The following FDX1 variants were observed in gnomAD, a reference collection of about 807,000 sequenced individuals.
FDX1 encodes the protein ferredoxin 1, also known as adrenodoxin, mitochondrial.
FDX1 carries 9 observed loss-of-function variants against 14.9 expected under a neutral mutation model. The observed-to-expected ratio is 0.60, with a 90% confidence interval of 0.36 to 1.05. The LOEUF (loss-of-function observed/expected upper bound fraction) is 1.05. FDX1 is among the 50% of genes least tolerant of loss of function. The pLI, the probability that FDX1 is intolerant of heterozygous loss-of-function variation, is 0.01. For missense variants in FDX1, 204 were observed against 237.2 expected (o/e 0.86, Z 0.92); for synonymous variants, 92 against 99.4 (o/e 0.93, Z 0.44).
chr11:110,459,541 C>T (rs897563759), intron 3 of FDX1, among the ~76,000 whole-genome samples: 12 of 152,154 alleles, frequency 7.9e-5, no homozygotes, highest in Admixed American at 7.9e-4. Flanking sequence ...CTGTGTTGGG[C>T]CCCAAAGCCT....
At position 110,464,836 on chromosome 11, in the gene FDX1, T is replaced by G. The variant is rs1245087770; in HGVS notation, c.*2368T>G. 6.6e-6 allele frequency: 1 copy of G among 152,214 alleles called. No homozygotes were observed. Among genetic ancestry groups the G allele is most frequent in the East Asian group, 1.9e-4 (1 of 5,196 alleles). 9.4% of individuals were successfully genotyped at this position (152,214 alleles called of 1,614,324 possible). ...AAGTTCAAATGAAGTTTAATTGTGT[T>G]ATTTTATAAAACCTTCTAAAATTAT... On this transcript the variant is annotated 3_prime_UTR_variant, in exon 4 of 4. Coordinates refer to ENST00000260270, the MANE Select transcript of FDX1 (RefSeq NM_004109.5).
chr11:110,453,351 C>T (rs896297488), intron 2 of FDX1, among the ~76,000 whole-genome samples: 1 of 151,876 alleles, frequency 6.6e-6, no homozygotes. Context: ...AACAAACAAA[C>T]ACAACAAAAC....
At chr11:110,459,476 A>G (rs2358323) in intron 3 of FDX1, among the ~76,000 whole-genome samples, 65,110 of 152,056 alleles carry the variant, frequency 0.43, 14,796 homozygotes, top group East Asian at 0.64. Flanking sequence ...TTTAGTTATC[A>G]CGGATTTGCT....
At chr11:110,438,189 C>A (rs1421717674) in intron 2 of FDX1, among the ~76,000 whole-genome samples, 2 of 152,126 alleles carry the variant, frequency 1.3e-5, no homozygotes, top group Non-Finnish European at 2.9e-5. Flanking sequence ...ATTTTTAGTT[C>A]TTTGAGAAAT....
chr11:110,444,654 A>G (rs1340134271), intron 2 of FDX1, among the ~76,000 whole-genome samples: 1,145 of 83,982 alleles, frequency 0.014, 82 homozygotes, highest in African/African-American at 0.056. Flanking sequence ...GTGTGTGTAT[A>G]TATATATATA....
chr11:110,436,935 C>G (rs61326162), intron 2 of FDX1, among the ~76,000 whole-genome samples: 1 of 152,010 alleles, frequency 6.6e-6, no homozygotes, highest in African/African-American at 2.4e-5. Flanking sequence ...ATGAGGTTAC[C>G]TGAGTCACCT....
intron 2 of FDX1, among the ~76,000 whole-genome samples, chr11:110,454,570 A>G (rs1946509974): frequency 6.6e-6 from 1 of 152,222 alleles, no homozygotes; most frequent in Non-Finnish European, 1.5e-5. Flanking sequence ...CCATTTCTTT[A>G]ACTTCTGGGG....
intron 3 of FDX1, among the ~76,000 whole-genome samples, chr11:110,457,863 A>G (rs933274926): frequency 3.3e-5 from 5 of 152,146 alleles, no homozygotes; most frequent in Admixed American, 3.3e-4. Context: ...ATTTGTATTT[A>G]TTTAGAGAAG....
chr11:110,450,001 AT>A, intron 2 of FDX1, among the ~76,000 whole-genome samples: 1 of 152,156 alleles, frequency 6.6e-6, no homozygotes, highest in South Asian at 2.1e-4. Flanking sequence ...TGCTCATTTC[AT>A]TTCCTTACCC....
intron 1 of FDX1, among the ~76,000 whole-genome samples, chr11:110,432,878 C>T (rs1024593754): frequency 1.3e-5 from 2 of 152,190 alleles, no homozygotes; most frequent in African/African-American, 2.4e-5. Context: ...TGTTAATACT[C>T]TTACTTGGCA....
At chr11:110,454,808 G>A (rs1425107227) in intron 2 of FDX1, among the ~76,000 whole-genome samples, 2 of 152,128 alleles carry the variant, frequency 1.3e-5, no homozygotes, top group Non-Finnish European at 2.9e-5. Flanking sequence ...ACTGAGACAT[G>A]GAAGGTAAAG....
intron 1 of FDX1, among the ~76,000 whole-genome samples, chr11:110,434,337 T>TGC (rs753183729): frequency 5.3e-4 from 43 of 81,070 alleles, no homozygotes; most frequent in East Asian, 8.5e-4. Context: ...CCTATTGATT[T>TGC]TTTTTTTTTT....
At chr11:110,435,636 C>T (rs1178932421) in intron 1 of FDX1, among the ~76,000 whole-genome samples, 198 bp from the exon 2 acceptor site, 1 of 152,058 alleles carries the variant, frequency 6.6e-6, no homozygotes. Context: ...TGGCTTGAGG[C>T]CAGGAATTTG....
intron 1 of FDX1, among the ~76,000 whole-genome samples, chr11:110,431,973 G>A (rs1382634132): frequency 6.6e-6 from 1 of 152,086 alleles, no homozygotes; most frequent in African/African-American, 2.4e-5. Flanking sequence ...CATAATTAAA[G>A]GTAAATAAAA....
intron 2 of FDX1, among the ~76,000 whole-genome samples, chr11:110,445,289 TATTA>T (rs1320448853): frequency 1.3e-5 from 2 of 152,232 alleles, no homozygotes; most frequent in African/African-American, 2.4e-5. Flanking sequence ...GATTGCTTTA[TATTA>T]ATTTCTTCTA....
At chr11:110,434,334 A>ATTTGCTTTTTTTTTTTTT (rs71476086) in intron 1 of FDX1, among the ~76,000 whole-genome samples, 1 of 126,408 alleles carries the variant, frequency 7.9e-6, no homozygotes, top group Non-Finnish European at 1.6e-5. Context: ...CGCCCTATTG[A>ATTTGCTTTTTTTTTTTTT]TTTTTTTTTT....
At chr11:110,435,741 T>C in intron 1 of FDX1, 93 bp from the exon 2 acceptor site, 1 of 921,972 alleles carries the variant, frequency 1.1e-6, no homozygotes, top group East Asian at 2.7e-5. Flanking sequence ...TGTATTCCCA[T>C]CTACTCTGGA....
chr11:110,432,933 G>A, intron 1 of FDX1, among the ~76,000 whole-genome samples: 1 of 152,170 alleles, frequency 6.6e-6, no homozygotes, highest in East Asian at 1.9e-4. Context: ...CAACAGGTTG[G>A]GCTTCTTAGC....
intron 1 of FDX1, 47 bp downstream of exon 1, chr11:110,430,352 G>C: frequency 1.7e-6 from 2 of 1,143,852 alleles, no homozygotes; most frequent in Non-Finnish European, 2.2e-6. Flanking sequence ...CGGGGTCCCC[G>C]GTGGGTGGCG....
Sources: gnomAD v4.1 joint callset for allele counts (sites outside exome capture counted in the v4.1 genomes callset) on GRCh38, gnomAD v4.1.1 for gene constraint, MANE v1.5 for transcripts, NCBI Gene and HGNC (gene_info 2026-07-23, HGNC 2026-07-21) for gene names.